The following IGF2BP3 variants were observed in gnomAD, a reference collection of about 807,000 sequenced individuals.
IGF2BP3 encodes insulin like growth factor 2 mRNA binding protein 3.
Under a neutral mutation model 73.8 loss-of-function variants are expected in IGF2BP3, and 9 were observed. The observed-to-expected ratio is 0.12, with a 90% CI of 0.07 to 0.21. The LOEUF is 0.21. IGF2BP3 is among the 10% of genes least tolerant of loss of function. The probability of loss-of-function intolerance (pLI) is 1.00; values close to 1 mark genes in which losing one functional copy is unlikely to be tolerated. For missense variants in IGF2BP3, 542 were observed against 714.0 expected, an observed-to-expected ratio of 0.76 and a Z score of 2.75; for synonymous variants, 258 against 256.7, an observed-to-expected ratio of 1.01 and a Z score of -0.05.
At chr7:23,318,139 T>G (rs184501507) in intron 11 of IGF2BP3, among the ~76,000 whole-genome samples, 63 of 152,286 alleles carry the variant, frequency 4.1e-4, no homozygotes, top group African/African-American at 1.5e-3. Flanking sequence ...CTTGGCCCAC[T>G]TGCATCAGGG....
At chr7:23,464,303 G>C (rs899379308) in intron 2 of IGF2BP3, among the ~76,000 whole-genome samples, 1 of 152,116 alleles carries the variant, frequency 6.6e-6, no homozygotes, top group East Asian at 1.9e-4. Context: ...TTAAACACAA[G>C]ACTAATATGG....
At chr7:23,389,178 T>A (rs1174261022) in intron 3 of IGF2BP3, among the ~76,000 whole-genome samples, 2 of 149,236 alleles carry the variant, frequency 1.3e-5, no homozygotes, top group East Asian at 4.0e-4. Context: ...TTTTTTTAAT[T>A]GAGACAGAGT....
At chr7:23,400,858 G>A (rs1302004714) in intron 3 of IGF2BP3, among the ~76,000 whole-genome samples, 1 of 152,242 alleles carries the variant, frequency 6.6e-6, no homozygotes, top group Middle Eastern at 3.2e-3. Flanking sequence ...GGAGTGCAGA[G>A]GCACGATCTT....
chr7:23,389,812 A>G (rs369583595), intron 3 of IGF2BP3, among the ~76,000 whole-genome samples: 12 of 148,620 alleles, frequency 8.1e-5, no homozygotes, highest in African/African-American at 3.0e-4. Context: ...TGGGCAACAT[A>G]GCGAGATCCC....
chr7:23,331,596 AC>A (rs1285940705), intron 10 of IGF2BP3, among the ~76,000 whole-genome samples: 1 of 152,172 alleles, frequency 6.6e-6, no homozygotes, highest in Admixed American at 6.5e-5. Context: ...GTTTAGACTC[AC>A]CCCTGTAATC....
intron 2 of IGF2BP3, among the ~76,000 whole-genome samples, chr7:23,445,463 A>G (rs1212115425): frequency 3.3e-5 from 5 of 151,952 alleles, no homozygotes; most frequent in Admixed American, 3.3e-4. Context: ...AGTATTACTT[A>G]GTTCCTACGG....
intron 3 of IGF2BP3, among the ~76,000 whole-genome samples, chr7:23,397,475 G>C (rs1786513603): frequency 6.6e-6 from 1 of 152,128 alleles, no homozygotes; most frequent in Admixed American, 6.5e-5. Context: ...CTCCTCTAAG[G>C]TCTCAAACTG....
At chr7:23,435,364 GA>G (rs1178393459) in intron 2 of IGF2BP3, among the ~76,000 whole-genome samples, 7 of 144,330 alleles carry the variant, frequency 4.8e-5, no homozygotes, top group Non-Finnish European at 1.0e-4. Flanking sequence ...TGTCTTCTGA[GA>G]ACAGAATTAC....
At position 23,342,533 on chromosome 7, in the gene IGF2BP3, T is replaced by G. The variant is rs116359805; in HGVS notation, c.1078-344A>C. Among the ~76,000 whole-genome samples, 556 of 152,206 alleles carry G rather than the reference T, an allele frequency of 3.7e-3. 3 individuals are homozygous for G. Among genetic ancestry groups the G allele is most frequent in the African/African-American group, 0.013 (527 of 41,510 alleles). ...CTAAATATAGACAAAAAGCAATGTA[T>G]CAGAGTTGAAGAGGTAATCAAGTAA... On this transcript the variant is annotated intron_variant, in intron 9 of 14. Transcript: ENST00000258729.
intron 3 of IGF2BP3, 92 bp from the exon 4 acceptor site, chr7:23,361,833 G>A: frequency 1.7e-6 from 2 of 1,180,790 alleles, no homozygotes; most frequent in Non-Finnish European, 2.4e-6. Context: ...AAGTAATTGT[G>A]ATGGAAAAGA....
chr7:23,420,360 A>G (rs2128536327), intron 2 of IGF2BP3, among the ~76,000 whole-genome samples: 1 of 152,092 alleles, frequency 6.6e-6, no homozygotes, highest in East Asian at 1.9e-4. Context: ...TGCTTGTAGT[A>G]CCACCTACTC....
At chr7:23,365,254 A>G (rs1785340674) in intron 3 of IGF2BP3, among the ~76,000 whole-genome samples, 1 of 152,228 alleles carries the variant, frequency 6.6e-6, no homozygotes, top group Admixed American at 6.5e-5. Context: ...GGAGGGGTTC[A>G]GGGAGTAGGA....
chr7:23,369,745 T>G (rs1760191400), intron 3 of IGF2BP3, among the ~76,000 whole-genome samples: 1 of 152,080 alleles, frequency 6.6e-6, no homozygotes, highest in Non-Finnish European at 1.5e-5. Flanking sequence ...AAAACTGTCT[T>G]TGACCTGCAA....
At chr7:23,422,818 G>A (rs1787388480) in intron 2 of IGF2BP3, among the ~76,000 whole-genome samples, 1 of 152,070 alleles carries the variant, frequency 6.6e-6, no homozygotes, top group African/African-American at 2.4e-5. Context: ...TTTTTCAGAT[G>A]GGAGTCTCGC....
At position 23,376,409 on chromosome 7, in the gene IGF2BP3, C is replaced by T. The variant is rs184801180; in HGVS notation, c.286-14668G>A. Reference sequence around the variant, plus strand: ...AATTAGCCGGGCATGGTGGCGGGCACCTGTAATCCCAGCTACTCGGGTGGC... The same window carrying T: ...AATTAGCCGGGCATGGTGGCGGGCATCTGTAATCCCAGCTACTCGGGTGGC... On this transcript the variant is annotated intron_variant, in intron 3 of 14. Transcript: ENST00000258729. Among the ~76,000 whole-genome samples, 11 of 151,594 alleles carry T rather than the reference C, an allele frequency of 7.3e-5. 1 individual carries two copies. In the East Asian group the frequency reaches 2.1e-3, roughly 30 times the overall value.
chr7:23,321,900 A>C (rs1784165358), intron 10 of IGF2BP3, among the ~76,000 whole-genome samples: 1 of 152,220 alleles, frequency 6.6e-6, no homozygotes, highest in Non-Finnish European at 1.5e-5. Context: ...CAGAAGGGAC[A>C]TCCACACCAA....
At chr7:23,432,806 A>G (rs913590760) in intron 2 of IGF2BP3, among the ~76,000 whole-genome samples, 4 of 152,064 alleles carry the variant, frequency 2.6e-5, no homozygotes, top group Non-Finnish European at 5.9e-5. Context: ...GCACCCAGCT[A>G]ATTTTTGTAT....
chr7:23,343,020 T>A (rs988280528), intron 9 of IGF2BP3, among the ~76,000 whole-genome samples: 29 of 152,186 alleles, frequency 1.9e-4, no homozygotes, highest in Non-Finnish European at 3.7e-4. Context: ...TGAAAAAAAA[T>A]TATTTTTTAA....
chr7:23,312,923 G>T, intron 13 of IGF2BP3, 75 bp from the exon 14 acceptor site: 1 of 845,588 alleles, frequency 1.2e-6, no homozygotes, highest in South Asian at 1.6e-5. Context: ...CTGTGCGCCA[G>T]ACAGTGAGCT....
Sources: allele counts gnomAD v4.1 joint callset (sites outside exome capture counted in the v4.1 genomes callset), GRCh38; gene constraint gnomAD v4.1.1; transcripts MANE v1.5; gene names NCBI Gene and HGNC (gene_info 2026-07-23, HGNC 2026-07-21).